Variants in TMX3 observed in about 807,000 individuals in gnomAD.
TMX3 encodes the protein protein disulfide-isomerase TMX3.
A neutral mutation model predicts 64.4 loss-of-function variants in TMX3; 40 were observed. The ratio of observed to expected loss-of-function variants is 0.62; its 90% confidence interval spans 0.48 to 0.81. The LOEUF is 0.81. Ranked by LOEUF, TMX3 falls within the 30% of genes least tolerant of loss-of-function variation. The pLI is 0.00. For synonymous variants in TMX3, 189 were observed against 175.7 expected (o/e 1.08, Z -0.60); for missense variants, 497 against 534.5 (o/e 0.93, Z 0.69).
intron 15 of TMX3, among the ~76,000 whole-genome samples, chr18:68,677,673 A>C (rs1306549742): frequency 6.6e-6 from 1 of 152,150 alleles, no homozygotes; most frequent in Non-Finnish European, 1.5e-5. Flanking sequence ...TTGACTTACT[A>C]ATTTCCCTCA....
intron 2 of TMX3, among the ~76,000 whole-genome samples, chr18:68,712,572 A>C (rs2031395661): frequency 1.3e-5 from 2 of 152,038 alleles, no homozygotes; most frequent in African/African-American, 4.8e-5. Context: ...CTTTTTCAGC[A>C]TAGGGACCTT....
intron 9 of TMX3, chr18:68,689,162 T>C (rs1373515153): frequency 1.3e-5 from 2 of 152,214 alleles, no homozygotes; most frequent in East Asian, 1.9e-4. Flanking sequence ...AGTAAAGCCT[T>C]TGCTTTGTCT....
At position 68,683,036 on chromosome 18, in the gene TMX3, G is replaced by C. The variant is rs565562362; in HGVS notation, c.849-55C>G. The C allele has an allele frequency of 2.7e-6, 4 of 1,508,248 alleles. No homozygotes were observed. In the South Asian group the frequency reaches 3.5e-5, roughly 13 times the overall value. 93.4% of individuals were successfully genotyped at this position (1,508,248 alleles called of 1,614,324 possible). On this transcript the variant is annotated intron_variant, in intron 12 of 15. Transcript: ENST00000299608. ...TAAAAGGAGAGGGGGTGGGGGGAGA[G>C]AGAGAGAGAAAGCTCATTAAATAGT...
intron 5 of TMX3, chr18:68,700,972 T>C (rs2030001340): frequency 1.0e-6 from 1 of 985,058 alleles, no homozygotes; most frequent in South Asian, 4.7e-5. Flanking sequence ...CGTACATAAT[T>C]CTTCAAAAGC....
intron 4 of TMX3, among the ~76,000 whole-genome samples, chr18:68,706,612 T>C (rs2030697219): frequency 1.3e-5 from 2 of 152,178 alleles, no homozygotes; most frequent in African/African-American, 4.8e-5. Flanking sequence ...GGAACAGTGA[T>C]ACCGCAACTG....
At chr18:68,709,461 ATCTAAC>A (rs940794240) in intron 4 of TMX3, among the ~76,000 whole-genome samples, 1 of 152,176 alleles carries the variant, frequency 6.6e-6, no homozygotes, top group East Asian at 1.9e-4. Flanking sequence ...CTATGCTTCA[ATCTAAC>A]TCTATTTATA....
At chr18:68,695,361 T>C (rs999880393) in intron 8 of TMX3, among the ~76,000 whole-genome samples, 1 of 152,216 alleles carries the variant, frequency 6.6e-6, no homozygotes, top group African/African-American at 2.4e-5. Context: ...CTCATTTCCT[T>C]AAAAAATTGC....
At chr18:68,689,131 AATAT>A (rs1914252001) in intron 9 of TMX3, 1 of 152,204 alleles carries the variant, frequency 6.6e-6, no homozygotes, top group African/African-American at 2.4e-5. Flanking sequence ...GCAACAATTA[AATAT>A]TTAAATAAGG....
At chr18:68,703,161 G>C (rs912502719) in intron 4 of TMX3, among the ~76,000 whole-genome samples, 4 of 152,146 alleles carry the variant, frequency 2.6e-5, no homozygotes, top group Non-Finnish European at 5.9e-5. Context: ...CTACTTTGGG[G>C]AGATTATGTG....
At chr18:68,709,829 A>G (rs1045701784) in intron 4 of TMX3, among the ~76,000 whole-genome samples, 192 bp downstream of exon 4, 3 of 132,440 alleles carry the variant, frequency 2.3e-5, no homozygotes, top group African/African-American at 1.2e-4. Flanking sequence ...TGTTAAGCAT[A>G]AGATTAACAC....
At position 68,674,789 on chromosome 18, in the gene TMX3, C is replaced by A. The variant is rs952558244; in HGVS notation, c.*2144G>T. 2 of 151,888 alleles carry A rather than the reference C, an allele frequency of 1.3e-5. No homozygotes were observed. Among genetic ancestry groups the A allele is most frequent in the Admixed American group, 1.3e-4 (2 of 15,256 alleles). The allele number at this position is 151,888 out of a possible 1,614,324, so 9.4% of individuals were successfully genotyped here. A position where few individuals can be genotyped will look rare whatever the true frequency, so the allele number is the denominator to read the frequency against. On this transcript the variant is annotated 3_prime_UTR_variant, in exon 16 of 16. Coordinates refer to ENST00000299608, the MANE Select transcript of TMX3 (RefSeq NM_019022.5). ...AAATAAAAATTATTCACTTACAAAC[C>A]ACCTACACATTTTGTTTTCCCAACA...
chr18:68,711,874 G>C (rs1044775298), intron 2 of TMX3, among the ~76,000 whole-genome samples: 1 of 152,186 alleles, frequency 6.6e-6, no homozygotes, highest in South Asian at 2.1e-4. Flanking sequence ...ATTGGATTGA[G>C]GAATTCCTGT....
intron 9 of TMX3, among the ~76,000 whole-genome samples, chr18:68,690,753 A>G (rs374556692): frequency 2.8e-4 from 43 of 152,330 alleles, no homozygotes; most frequent in African/African-American, 9.9e-4. Context: ...AACTTCGGTG[A>G]TGGGTATGTA....
At chr18:68,712,816 A>T (rs1298364455) in intron 2 of TMX3, among the ~76,000 whole-genome samples, 1 of 152,122 alleles carries the variant, frequency 6.6e-6, no homozygotes, top group Non-Finnish European at 1.5e-5. Flanking sequence ...CAGCATGAGC[A>T]GCGAAGTGCC....
chr18:68,700,343 T>C, intron 6 of TMX3, 62 bp downstream of exon 6: 1 of 1,165,680 alleles, frequency 8.6e-7, no homozygotes, highest in East Asian at 2.6e-5. Context: ...TACAGTCTAT[T>C]AAAATATATT....
intron 9 of TMX3, chr18:68,689,820 C>A (rs940362420): frequency 5.9e-5 from 9 of 152,164 alleles, no homozygotes; most frequent in African/African-American, 2.2e-4. Context: ...TAATTACACA[C>A]CTGTCTCCTT....
At chr18:68,697,199 T>C (rs758794507) in intron 8 of TMX3, 27 bp downstream of exon 8, 2 of 1,187,740 alleles carry the variant, frequency 1.7e-6, no homozygotes, top group East Asian at 2.5e-5. Context: ...TAAAATTGTG[T>C]CGTTAAAATC....
At chr18:68,692,679 G>T (rs922301000) in intron 8 of TMX3, among the ~76,000 whole-genome samples, 1 of 152,008 alleles carries the variant, frequency 6.6e-6, no homozygotes, top group African/African-American at 2.4e-5. Context: ...TCCCCTAGCA[G>T]ACTTTTCCAA....
chr18:68,698,348 C>T (rs1469840263), intron 6 of TMX3, among the ~76,000 whole-genome samples: 1 of 152,150 alleles, frequency 6.6e-6, no homozygotes, highest in Admixed American at 6.5e-5. Context: ...CATTTAGAAT[C>T]CTCAGCCTAA....
Sources: gnomAD v4.1 joint callset for allele counts (sites outside exome capture counted in the v4.1 genomes callset) on GRCh38, gnomAD v4.1.1 for gene constraint, MANE v1.5 for transcripts, NCBI Gene and HGNC (gene_info 2026-07-23, HGNC 2026-07-21) for gene names.